LGR6: variants seen among roughly 807,000 people sequenced by gnomAD.
LGR6 encodes leucine-rich repeat-containing G protein-coupled receptor 6.
Under a neutral mutation model 69.4 loss-of-function variants are expected in LGR6, and 45 were observed. That is an observed-to-expected ratio of 0.65 (90% CI 0.51 to 0.83). The LOEUF (loss-of-function observed/expected upper bound fraction) is 0.83. Ranked by LOEUF, LGR6 falls within the 40% of genes least tolerant of loss-of-function variation. The probability of loss-of-function intolerance (pLI) is 0.00; values close to 1 mark genes in which losing one functional copy is unlikely to be tolerated. For synonymous variants in LGR6, 538 were observed against 555.0 expected (o/e 0.97, Z 0.43); for missense variants, 1,108 against 1,246.7 (o/e 0.89, Z 1.68).
intron 6 of LGR6, 103 bp from the exon 7 acceptor site, chr1:202,297,405 C>T: frequency 2.3e-6 from 2 of 871,222 alleles, no homozygotes; most frequent in Non-Finnish European, 1.8e-6. Context: ...GATTGGAAAA[C>T]CCATCTCCCT....
chr1:202,260,830 A>T (rs1184503980), intron 4 of LGR6, among the ~76,000 whole-genome samples: 1 of 152,160 alleles, frequency 6.6e-6, no homozygotes, highest in Non-Finnish European at 1.5e-5. Flanking sequence ...TTTTCTCAGA[A>T]TCCTGTAGAT....
In LGR6 at chr1:202,304,325, C is replaced by G. The variant is rs555574309; in HGVS notation, c.999-234C>G. On this transcript the variant is annotated intron_variant, in intron 10 of 17. Transcript: ENST00000367278. ...GCAGAGCCCTGGGCTGTGGCCCTCT[C>G]TCTCCACTCCCCTCCCCCAGCTCCT... Among the ~76,000 whole-genome samples the G allele has an allele frequency of 1.1e-4, 17 of 152,282 alleles. No individual in the cohort carries two copies. The South Asian group carries it at 3.5e-3, about 32-fold the overall frequency.
chr1:202,258,271 T>C (rs1019062611), intron 4 of LGR6, among the ~76,000 whole-genome samples: 1 of 152,058 alleles, frequency 6.6e-6, no homozygotes, highest in Non-Finnish European at 1.5e-5. Context: ...TTTTCTCTTA[T>C]ATTTTGCTCA....
Position 202,193,831 on chromosome 1 carries a change from C to T in LGR6, c.-159C>T. The T allele has an allele frequency of 3.2e-6, 1 of 315,928 alleles. No individual in the cohort carries two copies. The highest frequency in any genetic ancestry group is 5.7e-6 in the Non-Finnish European group (1 of 176,794). The allele number at this position is 315,928 out of a possible 1,614,324, so 19.6% of individuals were successfully genotyped here. A position where few individuals can be genotyped will look rare whatever the true frequency, so the allele number is the denominator to read the frequency against. The stretch of plus-strand genomic sequence containing the variant: ...AATGCCTGCCCCTCTCTGACTGCAC[C>T]GTCCCGGCGCTCCCACCGCCGCCGC... On this transcript the variant is annotated 5_prime_UTR_variant, in exon 1 of 18. Transcript: ENST00000367278.
Position 202,319,359 on chromosome 1 carries a change from C to T in LGR6, c.*152C>T. On this transcript the variant is annotated 3_prime_UTR_variant, in exon 18 of 18. Coordinates refer to ENST00000367278, the MANE Select transcript of LGR6 (RefSeq NM_001017403.2). ...CCCTGGCTCCACTGATCACCTCTCTCCTGTGACCATCACCAACGGGTGCCT... is the reference window on the plus strand; with the variant it reads ...CCCTGGCTCCACTGATCACCTCTCTTCTGTGACCATCACCAACGGGTGCCT... 1 of 825,112 alleles carries T rather than the reference C, an allele frequency of 1.2e-6. No individual in the cohort carries two copies. Among genetic ancestry groups the T allele is most frequent in the South Asian group, 2.1e-5 (1 of 47,526 alleles). The allele number at this position is 825,112 out of a possible 1,614,324, so 51.1% of individuals were successfully genotyped here.
rs1015765305 is a variant in LGR6 at position 202,268,221 on chromosome 1, G to C, written c.429-8085G>C. On this transcript the variant is annotated intron_variant, in intron 4 of 17. Transcript: ENST00000367278. The surrounding 1 kb of genome is among the most constrained non-coding windows in gnomAD (Gnocchi z 4.4). ...CCCCATTGGAGCCCCGTGGCCCTCC[G>C]TGCAGAAGCTGGCACCTGGCACTGG... Among the ~76,000 whole-genome samples the C allele has an allele frequency of 6.6e-6, 1 of 152,198 alleles. No homozygotes were observed. Among genetic ancestry groups the C allele is most frequent in the Non-Finnish European group, 1.5e-5 (1 of 68,024 alleles).
At chr1:202,221,858 G>T (rs916672363) in intron 1 of LGR6, among the ~76,000 whole-genome samples, 1 of 152,220 alleles carries the variant, frequency 6.6e-6, no homozygotes, top group African/African-American at 2.4e-5. Flanking sequence ...TCCAGGCAGG[G>T]CCTGAATGTT....
chr1:202,205,034 T>C (rs1055266996), intron 1 of LGR6, among the ~76,000 whole-genome samples: 1,043 of 12,772 alleles, frequency 0.082, 104 homozygotes, highest in East Asian at 0.15. Context: ...CACACCTCCT[T>C]CAAACACACA....
intron 6 of LGR6, among the ~76,000 whole-genome samples, chr1:202,294,236 A>G (rs1415895699): frequency 3.9e-5 from 6 of 152,234 alleles, no homozygotes; most frequent in Non-Finnish European, 7.3e-5. Flanking sequence ...ATATGAAACA[A>G]TGTTTCTATT....
At chr1:202,240,332 C>T (rs1662073699) in intron 4 of LGR6, among the ~76,000 whole-genome samples, 1 of 151,174 alleles carries the variant, frequency 6.6e-6, no homozygotes, top group African/African-American at 2.4e-5. Context: ...TGAGATTGCA[C>T]CACTGTACTC....
chr1:202,273,778 A>G (rs1015620713), intron 4 of LGR6, among the ~76,000 whole-genome samples: 2 of 151,982 alleles, frequency 1.3e-5, no homozygotes, highest in African/African-American at 4.8e-5. Flanking sequence ...TCTTAAGGAT[A>G]TCCAAAATCT....
rs182817566 is a variant in LGR6 at position 202,246,793 on chromosome 1, G to A, written c.428+10800G>A. 1.9e-3 allele frequency among the ~76,000 whole-genome samples: 289 copies of A among 152,316 alleles called. 3 individuals carry two copies. Among genetic ancestry groups the A allele is most frequent in the Non-Finnish European group, 3.8e-4 (26 of 68,028 alleles). On this transcript the variant is annotated intron_variant, in intron 4 of 17. Transcript: ENST00000367278. ...AATAAAAATCATATTGGTAGTTAATGTTTGGTGAGTGCTTACTATGTTACC... is the reference window on the plus strand; with the variant it reads ...AATAAAAATCATATTGGTAGTTAATATTTGGTGAGTGCTTACTATGTTACC...
intron 3 of LGR6, among the ~76,000 whole-genome samples, chr1:202,232,991 A>G (rs924666025): frequency 6.6e-6 from 1 of 152,194 alleles, no homozygotes; most frequent in East Asian, 1.9e-4. Context: ...AGGGACATCA[A>G]GGGAAATGGG....
chr1:202,248,105 A>G (rs1035260029), intron 4 of LGR6, among the ~76,000 whole-genome samples: 6 of 152,230 alleles, frequency 3.9e-5, no homozygotes, highest in African/African-American at 9.6e-5. Context: ...CAACCGGAAA[A>G]GGCGGCAAGC....
At chr1:202,202,337 G>A (rs139366897) in intron 1 of LGR6, among the ~76,000 whole-genome samples, 11 of 152,250 alleles carry the variant, frequency 7.2e-5, no homozygotes, top group African/African-American at 2.6e-4. Flanking sequence ...GCAATCCAAG[G>A]TATTCAGTGT....
chr1:202,205,445 A>AAC (rs1328006734), intron 1 of LGR6, among the ~76,000 whole-genome samples: 4 of 90,852 alleles, frequency 4.4e-5, no homozygotes, highest in Non-Finnish European at 4.8e-5. Flanking sequence ...ACCTCCTTCA[A>AAC]ACACACACAC....
Position 202,236,005 on chromosome 1 carries a change from G to A in LGR6, c.428+12G>A. ...AGCCTGCAGTCGCTGTGAGTCATTA[G>A]AGGGCTGGTCTGGGAGTCACCAGCT... On this transcript the variant is annotated intron_variant, in intron 4 of 17. Coordinates refer to ENST00000367278, the MANE Select transcript of LGR6 (RefSeq NM_001017403.2). 6.2e-7 allele frequency: 1 copy of A among 1,612,494 alleles called. No homozygotes were observed. The highest frequency in any genetic ancestry group is 8.5e-7 in the Non-Finnish European group (1 of 1,178,934).
At chr1:202,317,892 TC>T in intron 17 of LGR6, 59 bp from the exon 18 acceptor site, 1 of 1,472,834 alleles carries the variant, frequency 6.8e-7, no homozygotes, top group Admixed American at 2.0e-5. Flanking sequence ...CTGACCTTGG[TC>T]CTGAAGACCT....
At chr1:202,316,474 G>A (rs1324899157) in intron 17 of LGR6, among the ~76,000 whole-genome samples, 1 of 152,142 alleles carries the variant, frequency 6.6e-6, no homozygotes, top group Non-Finnish European at 1.5e-5. Context: ...CTCCCACTAG[G>A]CCCCACCTCC....
Sources: gnomAD v4.1 joint callset for allele counts (sites outside exome capture counted in the v4.1 genomes callset) on GRCh38, gnomAD v4.1.1 for gene constraint, Gnocchi (gnomAD v3.1) non-coding constraint, MANE v1.5 for transcripts, NCBI Gene and HGNC (gene_info 2026-07-23, HGNC 2026-07-21) for gene names.